The following ACTN4 variants were observed in gnomAD, a reference collection of about 807,000 sequenced individuals.
ACTN4 encodes the protein alpha-actinin-4.
Under a neutral mutation model 114.2 loss-of-function variants are expected in ACTN4, and 18 were observed. The observed-to-expected ratio is 0.16, with a 90% confidence interval of 0.11 to 0.23. The LOEUF (loss-of-function observed/expected upper bound fraction) is 0.23. Ranked by LOEUF, ACTN4 falls within the 10% of genes least tolerant of loss-of-function variation. The probability of loss-of-function intolerance (pLI) is 1.00; values close to 1 mark genes in which losing one functional copy is unlikely to be tolerated. For synonymous variants in ACTN4, 515 were observed against 506.3 expected (o/e 1.02, Z -0.23); for missense variants, 722 against 1,262.9 (o/e 0.57, Z 6.49).
chr19:38,718,439 G>A (rs1395561793), intron 11 of ACTN4, among the ~76,000 whole-genome samples: 1 of 152,142 alleles, frequency 6.6e-6, no homozygotes, highest in African/African-American at 2.4e-5. Context: ...TGGAGGCTGA[G>A]GTGGGAGGAT....
At chr19:38,664,344 T>C (rs1966892831) in intron 1 of ACTN4, among the ~76,000 whole-genome samples, 1 of 152,014 alleles carries the variant, frequency 6.6e-6, no homozygotes, top group Non-Finnish European at 1.5e-5. Flanking sequence ...AATACCGCAG[T>C]GTCCTTGATA....
rs1287982715 is a variant in ACTN4, at chr19:38,649,583, G to A, written c.162+1676G>A. 2.0e-5 allele frequency among the ~76,000 whole-genome samples: 3 copies of A among 152,224 alleles called. No individual in the cohort carries two copies. The East Asian group carries it at 5.8e-4, about 29-fold the overall frequency. On this transcript the variant is annotated intron_variant, in intron 1 of 20. Transcript: ENST00000252699. The stretch of plus-strand genomic sequence containing the variant: ...TCCCTGCGGTGATTCTGTTAATAAA[G>A]AGGGATGTGTGTAGAGTTGGGACTT...
At position 38,724,054 on chromosome 19, in the gene ACTN4, G is replaced by A. The variant is rs1340918440; in HGVS notation, c.1669G>A (p.Val557Ile). The A allele has an allele frequency of 1.2e-6, 2 of 1,613,780 alleles. No homozygotes were observed. The highest frequency in any genetic ancestry group is 1.7e-5 in the Admixed American group (1 of 60,020). Residue 557 changes from valine (V) to isoleucine (I), a missense_variant, in exon 14 of 21, where the codon GTC becomes ATC. Val to Ile is a conservative substitution (Grantham distance 29). Coordinates refer to ENST00000252699, the MANE Select transcript of ACTN4 (RefSeq NM_004924.6). The surrounding 1 kb of genome is among the most constrained non-coding windows in gnomAD (Gnocchi z 7.0). Reference sequence around the variant, plus strand: ...GGAGGACCTCCAGGACATGTTCATCGTCCATACCATCGAGGAGATTGAGGT... The same window carrying A: ...GGAGGACCTCCAGGACATGTTCATCATCCATACCATCGAGGAGATTGAGGT... ...AMEDLQDMFI[V>I]HTIEEIEGLI... is the part of the protein sequence containing the mutation.
chr19:38,707,757 C>T (rs1335120480), intron 5 of ACTN4, among the ~76,000 whole-genome samples: 1 of 152,226 alleles, frequency 6.6e-6, no homozygotes, highest in Non-Finnish European at 1.5e-5. Flanking sequence ...AAGGTGCTAG[C>T]AGTTATAAAG....
intron 1 of ACTN4, among the ~76,000 whole-genome samples, chr19:38,669,119 T>A (rs1403641489): frequency 6.6e-6 from 1 of 152,194 alleles, no homozygotes; most frequent in East Asian, 1.9e-4. Flanking sequence ...CCCAACTAGC[T>A]GGGATTACAG....
In ACTN4 at chr19:38,727,156, G is replaced by T. The variant is rs926480655; in HGVS notation, c.2337+53G>T. On this transcript the variant is annotated intron_variant, in intron 18 of 20. Coordinates refer to ENST00000252699, the MANE Select transcript of ACTN4 (RefSeq NM_004924.6). The surrounding 1 kb of genome is among the most constrained non-coding windows in gnomAD (Gnocchi z 5.4). ...CTCCCCTCCCGCCGTTGCCGTACCA[G>T]CCCACACCTTCGTCTCTGCATCTGT... 1 of 1,612,842 alleles carries T rather than the reference G, an allele frequency of 6.2e-7. No individual in the cohort carries two copies. Among genetic ancestry groups the T allele is most frequent in the Middle Eastern group, 1.7e-4 (1 of 6,058 alleles).
intron 7 of ACTN4, 151 bp downstream of exon 7, chr19:38,709,627 G>GCT: frequency 1.3e-6 from 1 of 744,412 alleles, no homozygotes; most frequent in Non-Finnish European, 2.4e-6. Flanking sequence ...AATGATTCTG[G>GCT]GTGAACTGGG....
intron 1 of ACTN4, among the ~76,000 whole-genome samples, chr19:38,694,315 A>G (rs2144968436): frequency 6.6e-6 from 1 of 151,080 alleles, no homozygotes; most frequent in South Asian, 2.1e-4. Context: ...GCTGGAGTGC[A>G]GTGGCGCGAT....
intron 1 of ACTN4, chr19:38,684,138 C>A (rs1314156149): frequency 6.6e-6 from 1 of 152,224 alleles, no homozygotes; most frequent in African/African-American, 2.4e-5. Flanking sequence ...GCATTCAGAG[C>A]CTTATCTGTA....
intron 1 of ACTN4, among the ~76,000 whole-genome samples, chr19:38,679,232 A>C (rs1054920652): frequency 7.9e-5 from 12 of 152,290 alleles, no homozygotes; most frequent in Non-Finnish European, 1.8e-4. Flanking sequence ...CAGCCCCACA[A>C]GTCCACTGAG....
chr19:38,699,955 A>G (rs1393331965), intron 1 of ACTN4, among the ~76,000 whole-genome samples: 1 of 151,976 alleles, frequency 6.6e-6, no homozygotes, highest in Non-Finnish European at 1.5e-5. Flanking sequence ...ACTCGAGGAA[A>G]TCCTGCATTT....
chr19:38,647,856 C>T lies in ACTN4; in HGVS notation c.111C>T (p.Asp37=). Residue 37 remains aspartate (D), a synonymous_variant, in exon 1 of 21, where the codon GAC becomes GAT. Transcript: ENST00000252699. The part of the protein sequence containing the change: ...SMGDYMAQED[D]WDRDLLLDPA... The stretch of plus-strand genomic sequence containing the variant: ...GCGACTACATGGCCCAGGAGGACGA[C>T]TGGGACCGGGACCTGCTGCTGGACC... 6.5e-7 allele frequency: 1 copy of T among 1,544,778 alleles called. No homozygotes were observed. The highest frequency in any genetic ancestry group is 2.6e-5 in the East Asian group (1 of 39,006).
chr19:38,686,636 G>T (rs1400817704), intron 1 of ACTN4, among the ~76,000 whole-genome samples: 1 of 152,248 alleles, frequency 6.6e-6, no homozygotes, highest in African/African-American at 2.4e-5. Flanking sequence ...GAGAAGCTCT[G>T]CCTGGAGGGC....
rs188383335 is a variant in ACTN4, at chr19:38,717,591, G to A, written c.1143+275G>A. The stretch of plus-strand genomic sequence containing the variant: ...GGGTGTGGAGTGGTGTGAATTTGGA[G>A]CCGTGGTCTGCCATGATGGCATGAC... On this transcript the variant is annotated intron_variant, in intron 10 of 20. Transcript: ENST00000252699. This position sits in a 1 kb window ranked among gnomAD's most constrained non-coding sequence, Gnocchi z 4.0. Among the ~76,000 whole-genome samples, 240 of 152,288 alleles carry A rather than the reference G, an allele frequency of 1.6e-3. 1 individual carries two copies. Among genetic ancestry groups the A allele is most frequent in the African/African-American group, 5.4e-3 (226 of 41,556 alleles).
At chr19:38,673,475 T>TTATATATATTCA (rs1967205376) in intron 1 of ACTN4, among the ~76,000 whole-genome samples, 1 of 64,244 alleles carries the variant, frequency 1.6e-5, no homozygotes, top group African/African-American at 5.3e-5. Context: ...TTATATATAT[T>TTATATATATTCA]TATATATATA....
At position 38,709,758 on chromosome 19, in the gene ACTN4, C is replaced by T. The variant is rs1006858090; in HGVS notation, c.733+282C>T. ...GATCAACTCTCCTGAGGGTGCATCT[C>T]CTCAGGGCCCAGGAAGGGCAAGGTG... On this transcript the variant is annotated intron_variant, in intron 7 of 20. Coordinates refer to ENST00000252699, the MANE Select transcript of ACTN4 (RefSeq NM_004924.6). Among the ~76,000 whole-genome samples, 9 of 152,196 alleles carry T rather than the reference C, an allele frequency of 5.9e-5. No homozygotes were observed. In the East Asian group the frequency reaches 1.7e-3, roughly 29 times the overall value.
chr19:38,719,624 G>T (rs1599849641), intron 11 of ACTN4, among the ~76,000 whole-genome samples: 2 of 152,384 alleles, frequency 1.3e-5, no homozygotes, highest in Middle Eastern at 6.8e-3. Context: ...ATGCCATCTT[G>T]TGTGGTTGGT....
At chr19:38,708,438 G>A (rs934811213) in intron 6 of ACTN4, among the ~76,000 whole-genome samples, 3 of 152,142 alleles carry the variant, frequency 2.0e-5, no homozygotes, top group Non-Finnish European at 2.9e-5. Flanking sequence ...AACCAACCCG[G>A]GGTTATTTAA....
At chr19:38,716,979 G>A (rs1968863107) in intron 9 of ACTN4, 107 bp from the exon 10 acceptor site, 1 of 1,264,536 alleles carries the variant, frequency 7.9e-7, no homozygotes, top group African/African-American at 1.5e-5. Flanking sequence ...ACCCCCTAAG[G>A]TGGGGCCCTC....
Sources: gnomAD v4.1 joint callset for allele counts (sites outside exome capture counted in the v4.1 genomes callset) on GRCh38, gnomAD v4.1.1 for gene constraint, Gnocchi (gnomAD v3.1) non-coding constraint, MANE v1.5 for transcripts, NCBI Gene and HGNC (gene_info 2026-07-23, HGNC 2026-07-21) for gene names.